The following AUTS2 variants were observed in gnomAD, a reference collection of about 807,000 sequenced individuals.
The protein encoded by AUTS2 is activator of transcription and developmental regulator AUTS2.
AUTS2 carries 17 observed loss-of-function variants against 112.4 expected under a neutral mutation model. The observed-to-expected ratio is 0.15, with a 90% CI of 0.10 to 0.23. The LOEUF (loss-of-function observed/expected upper bound fraction) is 0.23. Among genes scored for constraint, AUTS2 ranks in the 10% least tolerant of loss-of-function variants. The probability of loss-of-function intolerance (pLI) is 1.00; values close to 1 mark genes in which losing one functional copy is unlikely to be tolerated. For missense variants in AUTS2, 1,510 were observed against 1,701.6 expected (o/e 0.89, Z 1.98); for synonymous variants, 751 against 702.7 (o/e 1.07, Z -1.09).
chr7:70,407,356 T>G (rs1585109539), intron 4 of AUTS2, among the ~76,000 whole-genome samples: 1 of 152,318 alleles, frequency 6.6e-6, no homozygotes, highest in East Asian at 1.9e-4. Flanking sequence ...GCAGCTGTCT[T>G]TGTGGTGATT....
chr7:70,481,240 G>A (rs575031840), intron 5 of AUTS2, among the ~76,000 whole-genome samples: 1 of 152,310 alleles, frequency 6.6e-6, no homozygotes, highest in East Asian at 1.9e-4. Flanking sequence ...AGAAAGCACA[G>A]TGCAGGGAGA....
chr7:70,238,067 AAATTTCCTGTGG>A (rs1812418300), intron 4 of AUTS2, among the ~76,000 whole-genome samples: 1 of 152,230 alleles, frequency 6.6e-6, no homozygotes, highest in Non-Finnish European at 1.5e-5. Flanking sequence ...AATAACCATT[AAATTTCCTGTGG>A]ATCCAAAATT....
intron 4 of AUTS2, among the ~76,000 whole-genome samples, chr7:70,257,648 G>A (rs1202399728): frequency 1.3e-5 from 2 of 150,280 alleles, no homozygotes; most frequent in East Asian, 3.9e-4. Context: ...TGTAGAGACG[G>A]GGCCTCACTG....
chr7:70,301,365 CTT>C (rs1223398482), intron 4 of AUTS2, among the ~76,000 whole-genome samples: 1 of 152,020 alleles, frequency 6.6e-6, no homozygotes, highest in African/African-American at 2.4e-5. Flanking sequence ...CTGAGTACCT[CTT>C]TTGTTTAATT....
chr7:70,762,389 A>G (rs1025502337), intron 6 of AUTS2, among the ~76,000 whole-genome samples: 4 of 151,500 alleles, frequency 2.6e-5, no homozygotes, highest in African/African-American at 9.7e-5. Flanking sequence ...CTTCTACCTC[A>G]GCCTCCCGAG....
At chr7:70,307,916 G>A (rs986089269) in intron 4 of AUTS2, among the ~76,000 whole-genome samples, 1 of 152,250 alleles carries the variant, frequency 6.6e-6, no homozygotes, top group African/African-American at 2.4e-5. Context: ...GAGTCACAGA[G>A]CTAGTCACAG....
At chr7:70,163,357 GGCA>G (rs1808212495) in intron 4 of AUTS2, among the ~76,000 whole-genome samples, 1 of 67,498 alleles carries the variant, frequency 1.5e-5, no homozygotes, top group Non-Finnish European at 3.5e-5. Context: ...GGGGGGGGGG[GGCA>G]GAGGGGGAGG....
At chr7:70,310,052 A>G (rs76301924) in intron 4 of AUTS2, among the ~76,000 whole-genome samples, 3,042 of 152,256 alleles carry the variant, frequency 0.02, 121 homozygotes, top group African/African-American at 0.069. Context: ...TAGAAGGTTA[A>G]TGGTATCTGC....
chr7:69,986,676 T>A (rs1276229128), intron 2 of AUTS2, among the ~76,000 whole-genome samples: 1 of 152,214 alleles, frequency 6.6e-6, no homozygotes, highest in Non-Finnish European at 1.5e-5. Context: ...CAATAGAAAG[T>A]GTACACATCA....
At chr7:70,344,251 T>C (rs1562895101) in intron 4 of AUTS2, among the ~76,000 whole-genome samples, 1 of 151,712 alleles carries the variant, frequency 6.6e-6, no homozygotes, top group Non-Finnish European at 1.5e-5. Flanking sequence ...AGAATAGAAA[T>C]CAATGAGACC....
intron 2 of AUTS2, among the ~76,000 whole-genome samples, chr7:70,048,778 T>C (rs1203606945): frequency 1.3e-5 from 2 of 152,182 alleles, no homozygotes; most frequent in Non-Finnish European, 2.9e-5. Flanking sequence ...AATATCAATG[T>C]GTATTGTTTG....
chr7:69,736,172 C>T (rs536844836), intron 1 of AUTS2, among the ~76,000 whole-genome samples: 58 of 152,224 alleles, frequency 3.8e-4, no homozygotes, highest in African/African-American at 1.3e-3. Flanking sequence ...CTGGAGACTT[C>T]TCATTTAACC....
chr7:69,714,818 G>A (rs2129206304), intron 1 of AUTS2, among the ~76,000 whole-genome samples: 1 of 152,120 alleles, frequency 6.6e-6, no homozygotes, highest in South Asian at 2.1e-4. Flanking sequence ...ATTGTGTTGA[G>A]TCTTCTAATT....
chr7:69,714,497 G>T (rs1425443889), intron 1 of AUTS2, among the ~76,000 whole-genome samples: 1 of 151,938 alleles, frequency 6.6e-6, no homozygotes, highest in Non-Finnish European at 1.5e-5. Context: ...TTCTGCCTTT[G>T]TCAAAAATTA....
At chr7:70,292,152 T>C (rs929242084) in intron 4 of AUTS2, 1 of 152,244 alleles carries the variant, frequency 6.6e-6, no homozygotes, top group Admixed American at 6.5e-5. Context: ...TCTATTCTTA[T>C]GCCAGGCACT....
intron 1 of AUTS2, among the ~76,000 whole-genome samples, chr7:69,789,136 T>C (rs753665856): frequency 2.0e-5 from 3 of 152,172 alleles, no homozygotes; most frequent in Non-Finnish European, 4.4e-5. Context: ...TTACCTTATA[T>C]CAAGAATGCA....
chr7:70,403,708 G>A (rs1339933142), intron 4 of AUTS2, among the ~76,000 whole-genome samples: 1 of 152,194 alleles, frequency 6.6e-6, no homozygotes, highest in African/African-American at 2.4e-5. Flanking sequence ...AACAAACTGA[G>A]CAGAGCCGCA....
At chr7:69,832,047 A>G (rs889556009) in intron 1 of AUTS2, among the ~76,000 whole-genome samples, 6 of 152,144 alleles carry the variant, frequency 3.9e-5, no homozygotes, top group African/African-American at 1.4e-4. Context: ...AACCTATGGT[A>G]ATCCCTAAGG....
Position 70,381,679 on chromosome 7 carries a change from T to A in AUTS2, c.661-54073T>A, listed in dbSNP as rs1010920531. ...TGGTAAAACAGACATTAAGAAAATTTTAGAAAATTTTCCAAAGAAAATCAG... is the reference window on the plus strand; with the variant it reads ...TGGTAAAACAGACATTAAGAAAATTATAGAAAATTTTCCAAAGAAAATCAG... On this transcript the variant is annotated intron_variant, in intron 4 of 18. Coordinates refer to ENST00000342771, the MANE Select transcript of AUTS2 (RefSeq NM_015570.4). Among the ~76,000 whole-genome samples, 5 of 152,246 alleles carry A rather than the reference T, an allele frequency of 3.3e-5. No individual in the cohort carries two copies. In the South Asian group the frequency reaches 8.3e-4, roughly 25 times the overall value.
Sources: allele counts gnomAD v4.1 joint callset (sites outside exome capture counted in the v4.1 genomes callset), GRCh38; gene constraint gnomAD v4.1.1; transcripts MANE v1.5; gene names NCBI Gene and HGNC (gene_info 2026-07-23, HGNC 2026-07-21).